Variants in SPTB observed in about 807,000 individuals in gnomAD.
The protein encoded by SPTB is spectrin beta chain, erythrocytic.
In SPTB, 45 loss-of-function variants were observed where a neutral mutation model predicts 256.2. That is an observed-to-expected ratio of 0.18 (90% CI 0.14 to 0.23). The LOEUF (loss-of-function observed/expected upper bound fraction) is 0.23, where lower values mean the gene tolerates loss of function less well. SPTB is among the 10% of genes least tolerant of loss of function. The pLI, the probability that SPTB is intolerant of heterozygous loss-of-function variation, is 1.00. For synonymous variants in SPTB, 1,231 were observed against 1,243.1 expected (o/e 0.99, Z 0.21); for missense variants, 2,715 against 3,040.4 (o/e 0.89, Z 2.52).
intron 28 of SPTB, 151 bp from the exon 29 acceptor site, chr14:64,769,269 G>C: frequency 1.2e-6 from 1 of 835,820 alleles, no homozygotes; most frequent in Non-Finnish European, 2.0e-6. Context: ...GTGTGGCCTG[G>C]GGCAAGTTAT....
At chr14:64,817,015 G>C (rs1232839012) in intron 2 of SPTB, among the ~76,000 whole-genome samples, 1 of 152,222 alleles carries the variant, frequency 6.6e-6, no homozygotes, top group Non-Finnish European at 1.5e-5. Flanking sequence ...ATTAACCTCA[G>C]TGTATTAATA....
rs1248020989 is a variant in SPTB at position 64,823,175 on chromosome 14, A to C, written c.-51-30T>G. 1.3e-6 allele frequency: 2 copies of C among 1,552,820 alleles called. No homozygotes were observed. Among genetic ancestry groups the C allele is most frequent in the Non-Finnish European group, 1.8e-6 (2 of 1,125,654 alleles). On this transcript the variant is annotated intron_variant, in intron 1 of 35. Transcript: ENST00000644917. The surrounding 1 kb of genome is among the most constrained non-coding windows in gnomAD (Gnocchi z 6.5). ...GGGACAGCAACACAGTCAGAGGGTTATCTCTCTACCCCCTCGGACTTTTTC... is the reference window on the plus strand; with the variant it reads ...GGGACAGCAACACAGTCAGAGGGTTCTCTCTCTACCCCCTCGGACTTTTTC...
Position 64,778,128 on chromosome 14 carries a change from G to A in SPTB, c.4563+1029C>T, listed in dbSNP as rs551186573. Among the ~76,000 whole-genome samples, 1 of 152,298 alleles carries A rather than the reference G, an allele frequency of 6.6e-6. No individual in the cohort carries two copies. The highest frequency in any genetic ancestry group is 2.1e-4 in the South Asian group (1 of 4,832). ...ATCATCTTCTAGCCCAGGTCCCTGCGTGTGGCTGCTGGAGCCTCTGCGACT... is the reference window on the plus strand; with the variant it reads ...ATCATCTTCTAGCCCAGGTCCCTGCATGTGGCTGCTGGAGCCTCTGCGACT... On this transcript the variant is annotated intron_variant, in intron 22 of 35. Coordinates refer to ENST00000644917, the MANE Select transcript of SPTB (RefSeq NM_001355436.2). The surrounding 1 kb of genome is among the most constrained non-coding windows in gnomAD (Gnocchi z 5.2).
intron 1 of SPTB, among the ~76,000 whole-genome samples, chr14:64,840,196 G>A (rs2139749605): frequency 6.6e-6 from 1 of 152,318 alleles, no homozygotes; most frequent in South Asian, 2.1e-4. Context: ...CCCATTCAGA[G>A]GAAAAGCTGT....
At chr14:64,752,523 A>G (rs999481075) in intron 33 of SPTB, among the ~76,000 whole-genome samples, 1 of 152,238 alleles carries the variant, frequency 6.6e-6, no homozygotes, top group African/African-American at 2.4e-5. Flanking sequence ...CTTGCCTTGA[A>G]CAAATGACTT....
At chr14:64,770,842 G>T (rs769650006) in intron 27 of SPTB, 43 bp downstream of exon 27, 1 of 1,613,362 alleles carries the variant, frequency 6.2e-7, no homozygotes, top group Non-Finnish European at 8.5e-7. Flanking sequence ...GGCTCCTCTG[G>T]CCTGGAGAGG....
chr14:64,792,087 G>T lies in SPTB; in HGVS notation c.2667-231C>A, dbSNP rs1363831603. 6.6e-6 allele frequency among the ~76,000 whole-genome samples: 1 copy of T among 152,194 alleles called. No homozygotes were observed. The highest frequency in any genetic ancestry group is 2.4e-5 in the African/African-American group (1 of 41,448). ...CCTGGAACAGGCCGGGAGAGAGCCA[G>T]TTACTTCCTACACGGGCTTCTGGCT... On this transcript the variant is annotated intron_variant, in intron 14 of 35. Coordinates refer to ENST00000644917, the MANE Select transcript of SPTB (RefSeq NM_001355436.2). This position sits in a 1 kb window ranked among gnomAD's most constrained non-coding sequence, Gnocchi z 4.2.
intron 1 of SPTB, 122 bp downstream of exon 1, chr14:64,879,670 C>T (rs1227774004): frequency 6.6e-6 from 1 of 152,178 alleles, no homozygotes; most frequent in Non-Finnish European, 1.5e-5. Context: ...CCCACCCGGT[C>T]CTCTGGGCCC....
At position 64,793,563 on chromosome 14, in the gene SPTB, A is replaced by G. The variant is rs2082714392; in HGVS notation, c.2100T>C (p.Ala700=). 6.2e-7 allele frequency: 1 copy of G among 1,613,972 alleles called. No individual in the cohort carries two copies. The highest frequency in any genetic ancestry group is 8.5e-7 in the Non-Finnish European group (1 of 1,180,026). ...ACTGCTTGCGCGCAACCATGCCATG[A>G]GCCTCCTGGAAGATCTGCTCCAGGT... ...DAHLEQIFQE[A]HGMVARKQFG... The change falls in exon 14 of 36, where the codon GCT becomes GCC. Residue 700 remains alanine, a synonymous_variant. Coordinates refer to ENST00000644917, the MANE Select transcript of SPTB (RefSeq NM_001355436.2). The surrounding 1 kb of genome is among the most constrained non-coding windows in gnomAD (Gnocchi z 7.0).
chr14:64,802,574 T>C lies in SPTB; in HGVS notation c.475-257A>G, dbSNP rs994534349. 6.6e-6 allele frequency among the ~76,000 whole-genome samples: 1 copy of C among 152,154 alleles called. No homozygotes were observed. The highest frequency in any genetic ancestry group is 2.4e-5 in the African/African-American group (1 of 41,412). On this transcript the variant is annotated intron_variant, in intron 4 of 35. Coordinates refer to ENST00000644917, the MANE Select transcript of SPTB (RefSeq NM_001355436.2). This position sits in a 1 kb window ranked among gnomAD's most constrained non-coding sequence, Gnocchi z 5.1. ...TGGTCACTTGTCTGTCTCCAGGGCC[T>C]GGAGCCTGGTGCACCATCAGTACTC...
intron 31 of SPTB, 103 bp from the exon 32 acceptor site, chr14:64,766,904 A>G: frequency 7.2e-7 from 1 of 1,382,328 alleles, no homozygotes; most frequent in South Asian, 1.2e-5. Context: ...GGAGCACCAA[A>G]TAGCTCCCCC....
chr14:64,830,965 C>T (rs2083444358), intron 1 of SPTB, among the ~76,000 whole-genome samples: 1 of 152,196 alleles, frequency 6.6e-6, no homozygotes, highest in African/African-American at 2.4e-5. Flanking sequence ...ATACAATTTT[C>T]AAATATTTAG....
Position 64,803,714 on chromosome 14 carries a change from G to T in SPTB, c.367C>A (p.Leu123Ile). The T allele has an allele frequency of 6.2e-7, 1 of 1,614,166 alleles. No homozygotes were observed. The highest frequency in any genetic ancestry group is 8.5e-7 in the Non-Finnish European group (1 of 1,180,026). ...TCCAGGTGTACACGCTGCTCCTTGAGGAACTGGAGAGCCTTGTCCACATTC... is the reference window on the plus strand; with the variant it reads ...TCCAGGTGTACACGCTGCTCCTTGATGAACTGGAGAGCCTTGTCCACATTC... ...LENVDKALQF[L>I]KEQRVHLENM... Residue 123 changes from leucine (L) to isoleucine (I), a missense_variant, in exon 4 of 36, where the codon CTC (leucine) becomes ATC (isoleucine). Leu to Ile is a conservative substitution (Grantham distance 5, BLOSUM62 2). Transcript: ENST00000644917.
Position 64,777,319 on chromosome 14 carries a change from G to A in SPTB, c.4563+1838C>T, listed in dbSNP as rs1301712527. Among the ~76,000 whole-genome samples the A allele has an allele frequency of 6.6e-6, 1 of 152,198 alleles. No homozygotes were observed. Among genetic ancestry groups the A allele is most frequent in the Non-Finnish European group, 1.5e-5 (1 of 68,020 alleles). On this transcript the variant is annotated intron_variant, in intron 22 of 35. Transcript: ENST00000644917. The surrounding 1 kb of genome is among the most constrained non-coding windows in gnomAD (Gnocchi z 4.5). ...AGCTGAGTTTCAGAAGCAGGCAGGG[G>A]TCAGGTCAGGCAAGAGTGGTTCTTA...
Position 64,751,946 on chromosome 14 carries a change from T to TAAAAAAAAAAAAAA in SPTB, c.6602+1590_6602+1591insTTTTTTTTTTTTTT, listed in dbSNP as rs1566731898. On this transcript the variant is annotated intron_variant, in intron 33 of 35. Coordinates refer to ENST00000644917, the MANE Select transcript of SPTB (RefSeq NM_001355436.2). Reference sequence around the variant, plus strand: ...AAAATGCAAAAAAAAAAAAAAAAATTAGCCAGGCGTGGTGGCACGTGCCTG... The same window carrying TAAAAAAAAAAAAAA: ...AAAATGCAAAAAAAAAAAAAAAAATTAAAAAAAAAAAAAAAGCCAGGCGTGGTGGCACGTGCCTG... 2.1e-3 allele frequency among the ~76,000 whole-genome samples: 190 copies of TAAAAAAAAAAAAAA among 90,428 alleles called. 10 individuals are homozygous for TAAAAAAAAAAAAAA. Among genetic ancestry groups the TAAAAAAAAAAAAAA allele is most frequent in the Non-Finnish European group, 3.0e-3 (123 of 40,370 alleles). The allele number at this position is 90,428 out of a possible 152,430, so 59.3% of individuals were successfully genotyped here.
At chr14:64,848,645 C>A (rs2083731550) in intron 1 of SPTB, among the ~76,000 whole-genome samples, 1 of 152,196 alleles carries the variant, frequency 6.6e-6, no homozygotes, top group African/African-American at 2.4e-5. Flanking sequence ...ACTAATTTAT[C>A]ACTCATTCAC....
Position 64,782,568 on chromosome 14 carries a change from G to A in SPTB, c.4003-15C>T, listed in dbSNP as rs1429054124. 1 of 1,613,026 alleles carries A rather than the reference G, an allele frequency of 6.2e-7. No homozygotes were observed. Among genetic ancestry groups the A allele is most frequent in the East Asian group, 2.2e-5 (1 of 44,886 alleles). ...TGCTTTCCTTCCTAGGGGCAAGAAG[G>A]AGGAGAGCTCACATTCTGGGCTGAC... On this transcript the variant is annotated splice_polypyrimidine_tract_variant and intron_variant, in intron 19 of 35. Coordinates refer to ENST00000644917, the MANE Select transcript of SPTB (RefSeq NM_001355436.2).
intron 1 of SPTB, among the ~76,000 whole-genome samples, chr14:64,855,934 G>A (rs952942568): frequency 6.6e-6 from 1 of 152,196 alleles, no homozygotes; most frequent in African/African-American, 2.4e-5. Flanking sequence ...CCACTGAGAG[G>A]CTCACAGGGC....
rs1365979901 is a variant in SPTB at position 64,777,181 on chromosome 14, C to T, written c.4564-1778G>A. Reference sequence around the variant, plus strand: ...GAGATCTGGGGTTGAGTGTTCCTGGCAAGAGGACTGAACAAGTGCAAAGGC... The same window carrying T: ...GAGATCTGGGGTTGAGTGTTCCTGGTAAGAGGACTGAACAAGTGCAAAGGC... On this transcript the variant is annotated intron_variant, in intron 22 of 35. Transcript: ENST00000644917. This position sits in a 1 kb window ranked among gnomAD's most constrained non-coding sequence, Gnocchi z 4.5. Among the ~76,000 whole-genome samples the T allele has an allele frequency of 6.6e-6, 1 of 152,026 alleles. No homozygotes were observed. Among genetic ancestry groups the T allele is most frequent in the Non-Finnish European group, 1.5e-5 (1 of 68,008 alleles).
Sources: allele counts gnomAD v4.1 joint callset (sites outside exome capture counted in the v4.1 genomes callset), GRCh38; gene constraint gnomAD v4.1.1; non-coding constraint Gnocchi (gnomAD v3.1); transcripts MANE v1.5; gene names NCBI Gene and HGNC (gene_info 2026-07-23, HGNC 2026-07-21).